CACNA2D3: variants seen among roughly 807,000 people sequenced by gnomAD.
CACNA2D3 encodes calcium voltage-gated channel auxiliary subunit alpha2delta 3.
Under a neutral mutation model 160.6 loss-of-function variants are expected in CACNA2D3, and 60 were observed. That is an observed-to-expected ratio of 0.37 (90% CI 0.30 to 0.46). The LOEUF (loss-of-function observed/expected upper bound fraction) is 0.46. Ranked by LOEUF, CACNA2D3 falls within the 20% of genes least tolerant of loss-of-function variation. The probability of loss-of-function intolerance (pLI) is 1.00; values close to 1 mark genes in which losing one functional copy is unlikely to be tolerated. For synonymous variants in CACNA2D3, 558 were observed against 492.9 expected (o/e 1.13, Z -1.75); for missense variants, 1,205 against 1,365.0 (o/e 0.88, Z 1.85).
intron 4 of CACNA2D3, among the ~76,000 whole-genome samples, chr3:54,434,052 G>T (rs1700027128): frequency 6.6e-6 from 1 of 152,142 alleles, no homozygotes; most frequent in African/African-American, 2.4e-5. Flanking sequence ...CCCACTGGGT[G>T]GTGTTTGCAT....
chr3:54,479,562 A>G (rs1424588967), intron 4 of CACNA2D3, among the ~76,000 whole-genome samples: 1 of 152,104 alleles, frequency 6.6e-6, no homozygotes, highest in African/African-American at 2.4e-5. Context: ...CCTTATTTTA[A>G]ATTGCTACTG....
At chr3:54,636,267 C>T (rs1299776654) in intron 10 of CACNA2D3, among the ~76,000 whole-genome samples, 1 of 151,766 alleles carries the variant, frequency 6.6e-6, no homozygotes, top group Non-Finnish European at 1.5e-5. Flanking sequence ...GGGTGAGGAA[C>T]AGGAAAGAAG....
chr3:54,741,552 G>T (rs762196784), intron 11 of CACNA2D3, among the ~76,000 whole-genome samples: 1 of 151,526 alleles, frequency 6.6e-6, no homozygotes, highest in African/African-American at 2.4e-5. Flanking sequence ...AGACCAGCCT[G>T]GCCAACATGG....
intron 11 of CACNA2D3, among the ~76,000 whole-genome samples, chr3:54,741,494 C>T (rs1477678885): frequency 6.6e-6 from 1 of 152,010 alleles, no homozygotes; most frequent in Non-Finnish European, 1.5e-5. Flanking sequence ...TGGCTCAACG[C>T]CACCCTGGGA....
chr3:54,667,411 A>G (rs1700086523), intron 11 of CACNA2D3, among the ~76,000 whole-genome samples: 1 of 152,062 alleles, frequency 6.6e-6, no homozygotes, highest in East Asian at 1.9e-4. Context: ...AGGTGGCAAG[A>G]AGAAGGTCAG....
intron 11 of CACNA2D3, among the ~76,000 whole-genome samples, chr3:54,705,952 T>C (rs1700849531): frequency 6.6e-6 from 1 of 152,194 alleles, no homozygotes. Flanking sequence ...TCTCCTCGTA[T>C]AGTTCTCATA....
intron 4 of CACNA2D3, among the ~76,000 whole-genome samples, chr3:54,401,098 TA>T (rs1289360118): frequency 6.6e-6 from 1 of 151,294 alleles, no homozygotes; most frequent in East Asian, 1.9e-4. Flanking sequence ...ATGAATGAAA[TA>T]AAAACTATAA....
At chr3:54,842,477 G>A (rs180846792) in intron 16 of CACNA2D3, among the ~76,000 whole-genome samples, 42 of 152,316 alleles carry the variant, frequency 2.8e-4, no homozygotes, top group Admixed American at 2.4e-3. Flanking sequence ...CCTAGGGACT[G>A]TAGAAGTCAA....
chr3:54,939,800 T>C lies in CACNA2D3; in HGVS notation c.2450-28650T>C, dbSNP rs868011442. On this transcript the variant is annotated intron_variant, in intron 27 of 37. Coordinates refer to ENST00000474759, the MANE Select transcript of CACNA2D3 (RefSeq NM_018398.3). ...GTAGCGGGAGAAGCATGGCATTTTG[T>C]GGGCCTGCTCCTGCCCTTCGGCCCA... 2.0e-5 allele frequency among the ~76,000 whole-genome samples: 3 copies of C among 152,356 alleles called. No individual in the cohort carries two copies. In the Middle Eastern group the frequency reaches 0.01, roughly 518 times the overall value.
chr3:54,999,260 A>C, intron 31 of CACNA2D3, among the ~76,000 whole-genome samples: 1 of 152,168 alleles, frequency 6.6e-6, no homozygotes, highest in East Asian at 1.9e-4. Context: ...CACTCCTATC[A>C]ACAGGTTGAG....
At chr3:54,621,156 T>G (rs1011539334) in intron 9 of CACNA2D3, among the ~76,000 whole-genome samples, 1 of 152,240 alleles carries the variant, frequency 6.6e-6, no homozygotes, top group African/African-American at 2.4e-5. Context: ...GGGCTTGTTT[T>G]GTCCGCTGAT....
intron 2 of CACNA2D3, among the ~76,000 whole-genome samples, chr3:54,289,539 C>G (rs571158851): frequency 3.9e-5 from 6 of 151,992 alleles, no homozygotes; most frequent in South Asian, 2.1e-4. Context: ...ACTTTCTTCA[C>G]AGAATTGGAA....
At chr3:55,013,246 A>G (rs549226318) in intron 34 of CACNA2D3, among the ~76,000 whole-genome samples, 52 of 152,310 alleles carry the variant, frequency 3.4e-4, no homozygotes, top group African/African-American at 1.1e-3. Flanking sequence ...AGCCTCTCTG[A>G]AGCACCTAAG....
Position 54,356,331 on chromosome 3 carries a change from A to T in CACNA2D3, c.322-30384A>T, listed in dbSNP as rs114280797. Among the ~76,000 whole-genome samples, 416 of 152,322 alleles carry T rather than the reference A, an allele frequency of 2.7e-3. 2 individuals carry two copies. Among genetic ancestry groups the T allele is most frequent in the African/African-American group, 9.6e-3 (399 of 41,570 alleles). ...GAAACTCATCGTTGTTGTGTTATAT[A>T]TGAACTAAAAACTGTCTTTCAGCTT... On this transcript the variant is annotated intron_variant, in intron 3 of 37. Coordinates refer to ENST00000474759, the MANE Select transcript of CACNA2D3 (RefSeq NM_018398.3).
chr3:54,235,445 C>T (rs1284861422), intron 2 of CACNA2D3, among the ~76,000 whole-genome samples: 1 of 152,088 alleles, frequency 6.6e-6, no homozygotes, highest in Non-Finnish European at 1.5e-5. Context: ...AGAGTAGGAG[C>T]AAAAGAGAGA....
At chr3:54,933,400 T>G (rs1701254236) in intron 27 of CACNA2D3, among the ~76,000 whole-genome samples, 2 of 152,214 alleles carry the variant, frequency 1.3e-5, no homozygotes, top group Non-Finnish European at 2.9e-5. Flanking sequence ...GACCCAGGCT[T>G]CTTCCACCTT....
At chr3:54,252,278 C>A (rs569261122) in intron 2 of CACNA2D3, among the ~76,000 whole-genome samples, 1 of 151,826 alleles carries the variant, frequency 6.6e-6, no homozygotes, top group African/African-American at 2.4e-5. Flanking sequence ...GGATTTTATA[C>A]CAGAAATTAT....
intron 4 of CACNA2D3, among the ~76,000 whole-genome samples, chr3:54,407,577 C>A (rs537694882): frequency 6.6e-6 from 1 of 152,210 alleles, no homozygotes; most frequent in Admixed American, 6.5e-5. Flanking sequence ...AAAGCTACTT[C>A]TCAGTTGTTA....
In CACNA2D3 at chr3:54,918,662, G is replaced by A. The variant is rs749103100; in HGVS notation, c.2449+18794G>A. 3.7e-6 allele frequency: 6 copies of A among 1,614,142 alleles called. No individual in the cohort carries two copies. In the Admixed American group the frequency reaches 1.0e-4, roughly 27 times the overall value. Reference sequence around the variant, plus strand: ...GCAATGGCATGACGCAGGTTGGCCGGCCTTGGCTTGGGTTTGAGCTCGCAC... The same window carrying A: ...GCAATGGCATGACGCAGGTTGGCCGACCTTGGCTTGGGTTTGAGCTCGCAC... On this transcript the variant is annotated intron_variant, in intron 27 of 37. Transcript: ENST00000474759.
Sources: allele counts gnomAD v4.1 joint callset (sites outside exome capture counted in the v4.1 genomes callset), GRCh38; gene constraint gnomAD v4.1.1; transcripts MANE v1.5; gene names NCBI Gene and HGNC (gene_info 2026-07-23, HGNC 2026-07-21).